PIGT: variants seen among roughly 807,000 people sequenced by gnomAD.
PIGT encodes phosphatidylinositol glycan anchor biosynthesis class T.
In PIGT, 57 loss-of-function variants were observed where a neutral mutation model predicts 66.7. The observed-to-expected ratio is 0.86, with a 90% CI of 0.69 to 1.07. The LOEUF is 1.07. PIGT is among the 50% of genes least tolerant of loss of function. PIGT has a pLI of 0.00. For synonymous variants in PIGT, 362 were observed against 320.5 expected, an observed-to-expected ratio of 1.13 and a Z score of -1.38; for missense variants, 725 against 740.4, an observed-to-expected ratio of 0.98 and a Z score of 0.24.
chr20:45,419,451 C>T (rs754895316), intron 4 of PIGT, 53 bp from the exon 5 acceptor site: 2 of 1,608,974 alleles, frequency 1.2e-6, no homozygotes, highest in South Asian at 1.1e-5. Flanking sequence ...AACCTGCGCC[C>T]CATGCCAAGT....
At position 45,416,261 on chromosome 20, in the gene PIGT, C is replaced by G. The variant is rs762708759; in HGVS notation, c.105C>G (p.Val35=). Residue 35 remains valine (V), a synonymous_variant, in exon 1 of 12, where the codon GTC becomes GTG. Transcript: ENST00000279036. ...PPRDSLREEL[V]ITPLPSGDVA... ...GCGACAGCCTGCGGGAGGAACTTGT[C>G]ATCACCCCGCTGCCTTCCGGGGACG... The G allele has an allele frequency of 2.5e-6, 4 of 1,595,306 alleles. No homozygotes were observed. The South Asian group carries it at 3.4e-5, about 14-fold the overall frequency.
rs556448941 is a variant in PIGT, at chr20:45,418,550, C to T, written c.366-302C>T. 2.2e-5 allele frequency: 8 copies of T among 372,016 alleles called. No individual in the cohort carries two copies. In the East Asian group the frequency reaches 2.8e-4, roughly 13 times the overall value. 23.0% of individuals were successfully genotyped at this position (372,016 alleles called of 1,614,324 possible). On this transcript the variant is annotated intron_variant, in intron 2 of 11. Coordinates refer to ENST00000279036, the MANE Select transcript of PIGT (RefSeq NM_015937.6). ...GTGGAGGGGAGGTAAGCACTGGAGC[C>T]GGATCATGAAGGTAGGCAGAAAGAA...
At position 45,425,800 on chromosome 20, in the gene PIGT, C is replaced by T. The variant is rs375221973; in HGVS notation, c.1711C>T (p.Arg571Cys). 41 of 1,613,696 alleles carry T rather than the reference C, an allele frequency of 2.5e-5. No homozygotes were observed. Among genetic ancestry groups the T allele is most frequent in the Admixed American group, 3.3e-5 (2 of 60,010 alleles). ...LAKRLANLIRRARGVPPL is the reference protein window; with the variant it reads ...LAKRLANLIRCARGVPPL ...CAAGCGGCTGGCCAACCTTATCCGG[C>T]GCGCCCGAGGTGTCCCCCCACTCTG... is the stretch of plus-strand genomic sequence containing the variant. Residue 571 changes from arginine to cysteine, a missense_variant, in exon 12 of 12, where the codon CGC becomes TGC. Transcript: ENST00000279036.
chr20:45,421,598 C>T lies in PIGT; in HGVS notation c.1234+15C>T, dbSNP rs1212675881. 6.2e-7 allele frequency: 1 copy of T among 1,611,310 alleles called. No individual in the cohort carries two copies. Among genetic ancestry groups the T allele is most frequent in the African/African-American group, 1.3e-5 (1 of 74,996 alleles). ...GAACAAACCAAGTGAGGACCTGAGTCCTGAACCAGGCCCCCAGCCCGCCCT... is the reference window on the plus strand; with the variant it reads ...GAACAAACCAAGTGAGGACCTGAGTTCTGAACCAGGCCCCCAGCCCGCCCT... On this transcript the variant is annotated intron_variant, in intron 9 of 11. Coordinates refer to ENST00000279036, the MANE Select transcript of PIGT (RefSeq NM_015937.6).
rs142749515 is a variant in PIGT at position 45,420,202 on chromosome 20, A to C, written c.748A>C (p.Ile250Leu). 9 of 1,611,826 alleles carry C rather than the reference A, an allele frequency of 5.6e-6. No homozygotes were observed. The highest frequency in any genetic ancestry group is 2.2e-5 in the East Asian group (1 of 44,880). ...QTLSVVFDAF[I>L]TGQGKKDWSL... is the part of the protein sequence containing the mutation. Reference sequence around the variant, plus strand: ...CCTGTCAGTTGTATTTGATGCCTTCATCACGGGGCAGGGAAAGAAAGGTAA... The same window carrying C: ...CCTGTCAGTTGTATTTGATGCCTTCCTCACGGGGCAGGGAAAGAAAGGTAA... Residue 250 changes from isoleucine (I) to leucine (L), a missense_variant, in exon 6 of 12, where the codon ATC becomes CTC. Coordinates refer to ENST00000279036, the MANE Select transcript of PIGT (RefSeq NM_015937.6).
intron 8 of PIGT, chr20:45,421,068 CAGTT>C (rs1990330388): frequency 1.9e-6 from 1 of 512,852 alleles, no homozygotes. Context: ...GGGCAGGTGT[CAGTT>C]AATTAATTAC....
At chr20:45,422,229 C>T (rs901517930) in intron 9 of PIGT, 2 of 152,056 alleles carry the variant, frequency 1.3e-5, no homozygotes, top group Admixed American at 6.6e-5. Context: ...CCTTTCAGTA[C>T]TTTAGTTGAT....
chr20:45,425,191 CTTT>C (rs1990657998), intron 11 of PIGT: 1 of 122,544 alleles, frequency 8.2e-6, no homozygotes, highest in African/African-American at 3.1e-5. Context: ...TTCTTTCTTT[CTTT>C]CTTTCTTTCT....
At position 45,425,993 on chromosome 20, in the gene PIGT, G is replaced by A; in HGVS notation, c.*167G>A. ...CCAGTACAGGAGCCACGAGCCAAAT[G>A]TGGCATTTGAATTTGAATTAACTTA... On this transcript the variant is annotated 3_prime_UTR_variant, in exon 12 of 12. Coordinates refer to ENST00000279036, the MANE Select transcript of PIGT (RefSeq NM_015937.6). 4.3e-6 allele frequency: 3 copies of A among 704,802 alleles called. No individual in the cohort carries two copies. The highest frequency in any genetic ancestry group is 1.9e-5 in the South Asian group (1 of 51,650). The allele number at this position is 704,802 out of a possible 1,614,324, so 43.7% of individuals were successfully genotyped here.
chr20:45,418,211 T>TA (rs1343221940), intron 2 of PIGT: 1 of 156,118 alleles, frequency 6.4e-6, no homozygotes, highest in African/African-American at 2.4e-5. Context: ...AATCAGGACT[T>TA]ACCTTTATTC....
At chr20:45,416,892 C>A in intron 2 of PIGT, 198 bp downstream of exon 2, 1 of 495,610 alleles carries the variant, frequency 2.0e-6, no homozygotes, top group Non-Finnish European at 3.5e-6. Context: ...CCTGAGGTAG[C>A]ACATGCATAT....
At position 45,420,411 on chromosome 20, in the gene PIGT, C is replaced by T. The variant is rs140324917; in HGVS notation, c.849C>T (p.Asp283=). 9.9e-6 allele frequency: 16 copies of T among 1,613,492 alleles called. No individual in the cohort carries two copies. Among genetic ancestry groups the T allele is most frequent in the South Asian group, 3.3e-5 (3 of 91,040 alleles). ...PLASESRVYV[D]ITTYNQDNET... is the part of the protein sequence containing the mutation. ...CTTCAGAGAGCCGAGTCTATGTGGA[C>T]ATCACCACCTACAACCAGGTAACAA... Residue 283 remains aspartate (D), a synonymous_variant, in exon 7 of 12, where the codon GAC becomes GAT. Coordinates refer to ENST00000279036, the MANE Select transcript of PIGT (RefSeq NM_015937.6).
At chr20:45,424,161 G>T in intron 9 of PIGT, 55 bp from the exon 10 acceptor site, 35 of 1,532,472 alleles carry the variant, frequency 2.3e-5, no homozygotes, top group Non-Finnish European at 3.2e-5. Context: ...AGGGACAGGG[G>T]CAGCAGGTAG....
intron 8 of PIGT, 54 bp from the exon 9 acceptor site, chr20:45,421,329 G>C: frequency 6.7e-7 from 1 of 1,481,930 alleles, no homozygotes; most frequent in Non-Finnish European, 9.2e-7. Context: ...CAGGTGGGGT[G>C]GGGAGTGATT....
At chr20:45,418,141 G>C (rs1425657996) in intron 2 of PIGT, 1 of 152,830 alleles carries the variant, frequency 6.5e-6, no homozygotes, top group Non-Finnish European at 1.5e-5. Context: ...TCCTAGAACA[G>C]TTGTTTTTCC....
rs1989969001 is a variant in PIGT, at chr20:45,416,353, C to T, written c.187+10C>T. ...CTTCAGCGGGAAGGAGGTGAGGGCG[C>T]GAGATCTGACCAGGGAAAGATTTCC... is the stretch of plus-strand genomic sequence containing the variant. On this transcript the variant is annotated intron_variant, in intron 1 of 11. Coordinates refer to ENST00000279036, the MANE Select transcript of PIGT (RefSeq NM_015937.6). 5 of 1,574,332 alleles carry T rather than the reference C, an allele frequency of 3.2e-6. No individual in the cohort carries two copies. Among genetic ancestry groups the T allele is most frequent in the Non-Finnish European group, 4.3e-6 (5 of 1,157,598 alleles).
chr20:45,426,057 T>C lies in PIGT; in HGVS notation c.*231T>C. 5.2e-6 allele frequency: 3 copies of C among 581,544 alleles called. No homozygotes were observed. The highest frequency in any genetic ancestry group is 9.1e-6 in the Non-Finnish European group (3 of 328,102). 36.0% of individuals were successfully genotyped at this position (581,544 alleles called of 1,614,324 possible). A position where few individuals can be genotyped will look rare whatever the true frequency, so the allele number is the denominator to read the frequency against. ...TCACCTGTAGTGGCCACCTCTATATTGAGGTGCTCAATAAGCAAAAGTGGT... is the reference window on the plus strand; with the variant it reads ...TCACCTGTAGTGGCCACCTCTATATCGAGGTGCTCAATAAGCAAAAGTGGT... On this transcript the variant is annotated 3_prime_UTR_variant, in exon 12 of 12. Transcript: ENST00000279036.
rs750469400 is a variant in PIGT, at chr20:45,424,192, G to A, written c.1235-24G>A. On this transcript the variant is annotated intron_variant, in intron 9 of 11. Coordinates refer to ENST00000279036, the MANE Select transcript of PIGT (RefSeq NM_015937.6). ...GGTAGCCTGACCCCAGGAAAGAGAT[G>A]TGGGTGACCTTGCATGTCTCCAGGT... 11 of 1,611,750 alleles carry A rather than the reference G, an allele frequency of 6.8e-6. No individual in the cohort carries two copies. In the Admixed American group the frequency reaches 1.2e-4, roughly 17 times the overall value.
Position 45,420,149 on chromosome 20 carries a change from C to T in PIGT, c.695C>T (p.Thr232Ile). ...IRPVCRNARC[T>I]SISWELRQTL... Reference sequence around the variant, plus strand: ...CCCTTGTGATAGAATGCACGCTGTACTAGCATCTCCTGGGAGCTGAGGCAG... The same window carrying T: ...CCCTTGTGATAGAATGCACGCTGTATTAGCATCTCCTGGGAGCTGAGGCAG... Residue 232 changes from threonine (T) to isoleucine (I), a missense_variant, in exon 6 of 12, where the codon ACT becomes ATT. Physicochemically the swap from Thr to Ile is moderately conservative, Grantham distance 89. This residue lies in a region of PIGT where 559 missense variants were observed against 552.7 expected (regional missense o/e 1.01). Coordinates refer to ENST00000279036, the MANE Select transcript of PIGT (RefSeq NM_015937.6). The T allele has an allele frequency of 6.2e-7, 1 of 1,611,664 alleles. No individual in the cohort carries two copies. Among genetic ancestry groups the T allele is most frequent in the Non-Finnish European group, 8.5e-7 (1 of 1,178,756 alleles).
Sources: allele counts gnomAD v4.1 joint callset, GRCh38; gene constraint gnomAD v4.1.1; regional missense constraint gnomAD v4.1.1; transcripts MANE v1.5; gene names NCBI Gene and HGNC (gene_info 2026-07-23, HGNC 2026-07-21).